NRXN3: variants seen among roughly 807,000 people sequenced by gnomAD.
NRXN3 encodes the protein neurexin 3.
Under a neutral mutation model 137.6 loss-of-function variants are expected in NRXN3, and 32 were observed. That is an observed-to-expected ratio of 0.23 (90% CI 0.18 to 0.31). The LOEUF (loss-of-function observed/expected upper bound fraction) is 0.31. NRXN3 is among the 10% of genes least tolerant of loss of function. NRXN3 has a pLI of 1.00. For synonymous variants in NRXN3, 798 were observed against 784.5 expected (o/e 1.02, Z -0.29); for missense variants, 1,574 against 2,062.5 (o/e 0.76, Z 4.59).
rs116638983 is a variant in NRXN3, at chr14:78,508,947, T to C, written c.758-136173T>C. ...CAATATTTTGTATTCAGTACTATAA[T>C]GTAGAGAATATTACTCTGTTATAGT... is the stretch of plus-strand genomic sequence containing the variant. On this transcript the variant is annotated intron_variant, in intron 4 of 20. Coordinates refer to ENST00000335750, the MANE Select transcript of NRXN3 (RefSeq NM_001330195.2). 5.8e-3 allele frequency among the ~76,000 whole-genome samples: 885 copies of C among 152,352 alleles called. 8 individuals are homozygous for C. The highest frequency in any genetic ancestry group is 0.02 in the African/African-American group (851 of 41,580).
At chr14:78,378,999 C>T (rs2088488375) in intron 4 of NRXN3, among the ~76,000 whole-genome samples, 1 of 151,264 alleles carries the variant, frequency 6.6e-6, no homozygotes, top group South Asian at 2.1e-4. Context: ...AGCAACCCTA[C>T]ACACAAAAGT....
intron 10 of NRXN3, among the ~76,000 whole-genome samples, chr14:78,933,318 T>C: frequency 1.3e-5 from 2 of 152,362 alleles, no homozygotes; most frequent in Middle Eastern, 6.8e-3. Context: ...GTTTATAAAG[T>C]AGATGTAAAT....
At chr14:79,487,523 C>G (rs1376767455) in intron 16 of NRXN3, among the ~76,000 whole-genome samples, 1 of 152,172 alleles carries the variant, frequency 6.6e-6, no homozygotes, top group East Asian at 1.9e-4. Flanking sequence ...AAACCCTATG[C>G]AGCTGGGCGG....
At chr14:79,664,721 A>T (rs2098549785) in intron 17 of NRXN3, among the ~76,000 whole-genome samples, 1 of 152,122 alleles carries the variant, frequency 6.6e-6, no homozygotes, top group South Asian at 2.1e-4. Context: ...CTTGCCTCTC[A>T]CTTCTCCCAG....
chr14:79,543,550 G>A (rs1321964469), intron 16 of NRXN3, among the ~76,000 whole-genome samples: 1 of 152,306 alleles, frequency 6.6e-6, no homozygotes, highest in Admixed American at 6.5e-5. Flanking sequence ...GATTGGGCTT[G>A]GGTTGGTTGT....
At chr14:78,482,709 C>T (rs2095493759) in intron 4 of NRXN3, among the ~76,000 whole-genome samples, 1 of 152,202 alleles carries the variant, frequency 6.6e-6, no homozygotes, top group African/African-American at 2.4e-5. Flanking sequence ...AATACGACTA[C>T]AAGCATAGTG....
intron 10 of NRXN3, among the ~76,000 whole-genome samples, chr14:78,925,515 C>G (rs1322420713): frequency 6.6e-6 from 1 of 152,150 alleles, no homozygotes; most frequent in Non-Finnish European, 1.5e-5. Flanking sequence ...TGTGATTGTG[C>G]AGCTCTTTTA....
In NRXN3 at chr14:79,861,959, G is replaced by T; in HGVS notation, c.4711G>T (p.Val1571Leu). The change falls in exon 21 of 21, where the codon GTG (valine) becomes TTG (leucine). Residue 1571 changes from valine to leucine, a missense_variant. Val to Leu is a conservative substitution (Grantham distance 32). Transcript: ENST00000335750. The surrounding 1 kb of genome is among the most constrained non-coding windows in gnomAD (Gnocchi z 5.4). ...GAAAAACAAGGACAGGGAGTATTAC[G>T]TGTAAACATGCGAACACTGCTCACA... Reference protein sequence around the residue: ...KQKNKDREYYV With the variant: ...KQKNKDREYYL 6.2e-7 allele frequency: 1 copy of T among 1,610,694 alleles called. No homozygotes were observed. The highest frequency in any genetic ancestry group is 8.5e-7 in the Non-Finnish European group (1 of 1,178,072).
chr14:79,170,673 T>TTCCCTGCTCTAGACTTC (rs1234490011), intron 15 of NRXN3, among the ~76,000 whole-genome samples: 1 of 152,140 alleles, frequency 6.6e-6, no homozygotes, highest in East Asian at 1.9e-4. Context: ...GTCTCGACTT[T>TTCCCTGCTCTAGACTTC]TCCCTGCTCT....
chr14:79,751,863 C>A (rs1401224387), intron 19 of NRXN3, among the ~76,000 whole-genome samples: 1 of 151,886 alleles, frequency 6.6e-6, no homozygotes, highest in Admixed American at 6.6e-5. Context: ...TGTTTATATG[C>A]TGGATTACAT....
At chr14:78,312,270 T>C (rs962740343) in intron 4 of NRXN3, among the ~76,000 whole-genome samples, 16 of 152,218 alleles carry the variant, frequency 1.1e-4, no homozygotes, top group African/African-American at 3.9e-4. Context: ...TAAGCTGCTT[T>C]GAATTTCAGT....
In NRXN3 at chr14:78,430,380, T is replaced by C. The variant is rs369731587; in HGVS notation, c.757+132520T>C. Reference sequence around the variant, plus strand: ...ATTAGTATTTTTAGAGGCACTCTTCTAGCGTTACTATGGCTAAATGTTTCC... The same window carrying C: ...ATTAGTATTTTTAGAGGCACTCTTCCAGCGTTACTATGGCTAAATGTTTCC... On this transcript the variant is annotated intron_variant, in intron 4 of 20. Transcript: ENST00000335750. Among the ~76,000 whole-genome samples, 7 of 152,264 alleles carry C rather than the reference T, an allele frequency of 4.6e-5. No individual in the cohort carries two copies. In the East Asian group the frequency reaches 5.8e-4, roughly 13 times the overall value.
intron 16 of NRXN3, among the ~76,000 whole-genome samples, chr14:79,549,125 C>G (rs2097349610): frequency 6.6e-6 from 1 of 152,060 alleles, no homozygotes; most frequent in African/African-American, 2.4e-5. Context: ...TTAATTTTTG[C>G]TAATCATGGG....
At chr14:79,537,110 C>T (rs928894991) in intron 16 of NRXN3, among the ~76,000 whole-genome samples, 1 of 152,144 alleles carries the variant, frequency 6.6e-6, no homozygotes, top group Admixed American at 6.6e-5. Context: ...TCCACAGCCT[C>T]ACTAGCATCT....
chr14:78,337,494 T>G (rs1035010083), intron 4 of NRXN3, among the ~76,000 whole-genome samples: 9 of 152,170 alleles, frequency 5.9e-5, no homozygotes, highest in South Asian at 4.2e-4. Flanking sequence ...TAACCAGCTT[T>G]GGGGATGATA....
At chr14:78,276,331 G>A (rs1408473632) in intron 2 of NRXN3, among the ~76,000 whole-genome samples, 1 of 152,194 alleles carries the variant, frequency 6.6e-6, no homozygotes, top group Admixed American at 6.5e-5. Flanking sequence ...AGGGAGGGGA[G>A]ATCGGGAGCA....
At chr14:79,552,855 G>C (rs940845227) in intron 16 of NRXN3, among the ~76,000 whole-genome samples, 12 of 152,112 alleles carry the variant, frequency 7.9e-5, no homozygotes, top group African/African-American at 2.9e-4. Context: ...GGAAGAACAG[G>C]TGAAAACTCT....
At position 78,464,048 on chromosome 14, in the gene NRXN3, A is replaced by T. The variant is rs536003907; in HGVS notation, c.757+166188A>T. 2.0e-3 allele frequency among the ~76,000 whole-genome samples: 207 copies of T among 102,526 alleles called. 8 individuals are homozygous for T. The East Asian group carries it at 0.044, about 22-fold the overall frequency. 67.3% of individuals were successfully genotyped at this position (102,526 alleles called of 152,430 possible). On this transcript the variant is annotated intron_variant, in intron 4 of 20. Transcript: ENST00000335750. ...GGCGAGTTTTATTTTTATTTATTTAATTAATTAATTTTTTTTTTTTTTGAG... is the reference window on the plus strand; with the variant it reads ...GGCGAGTTTTATTTTTATTTATTTATTTAATTAATTTTTTTTTTTTTTGAG...
At chr14:78,990,128 T>C (rs2099515521) in intron 15 of NRXN3, among the ~76,000 whole-genome samples, 1 of 152,230 alleles carries the variant, frequency 6.6e-6, no homozygotes, top group Non-Finnish European at 1.5e-5. Context: ...TCAGCTTTCC[T>C]TTGTGGCAAC....
Sources: gnomAD v4.1 joint callset for allele counts (sites outside exome capture counted in the v4.1 genomes callset) on GRCh38, gnomAD v4.1.1 for gene constraint, Gnocchi (gnomAD v3.1) non-coding constraint, MANE v1.5 for transcripts, NCBI Gene and HGNC (gene_info 2026-07-23, HGNC 2026-07-21) for gene names.